The following POU2F2 variants were observed in gnomAD, a reference collection of about 807,000 sequenced individuals.
POU2F2 encodes POU class 2 homeobox 2, also known as POU domain, class 2, transcription factor 2.
POU2F2 carries 14 observed loss-of-function variants against 63.5 expected under a neutral mutation model. The observed-to-expected ratio is 0.22, with a 90% CI of 0.15 to 0.34. The LOEUF (loss-of-function observed/expected upper bound fraction) is 0.34. Ranked by LOEUF, POU2F2 falls within the 10% of genes least tolerant of loss-of-function variation. The probability of loss-of-function intolerance (pLI) is 1.00; values close to 1 mark genes in which losing one functional copy is unlikely to be tolerated. For synonymous variants in POU2F2, 306 were observed against 348.6 expected (o/e 0.88, Z 1.36); for missense variants, 607 against 815.2 (o/e 0.74, Z 3.11).
chr19:42,104,999 T>A (rs2077282807), intron 5 of POU2F2, among the ~76,000 whole-genome samples: 1 of 152,096 alleles, frequency 6.6e-6, no homozygotes, highest in Non-Finnish European at 1.5e-5. Context: ...TAGCACTCTA[T>A]CCTGTGAAAC....
intron 1 of POU2F2, among the ~76,000 whole-genome samples, chr19:42,168,581 C>A (rs2034697312): frequency 6.6e-6 from 1 of 152,212 alleles, no homozygotes. Flanking sequence ...GGGCTCCCCA[C>A]TCAGCACTGC....
chr19:42,186,951 G>A (rs1436403094), intron 1 of POU2F2, among the ~76,000 whole-genome samples: 2 of 152,124 alleles, frequency 1.3e-5, no homozygotes, highest in African/African-American at 4.8e-5. Context: ...TATGAGACAT[G>A]TCCTGGATCC....
intron 1 of POU2F2, among the ~76,000 whole-genome samples, chr19:42,173,586 G>T (rs1444277374): frequency 6.6e-6 from 1 of 150,976 alleles, no homozygotes; most frequent in Admixed American, 6.6e-5. Flanking sequence ...CACCTGGCCA[G>T]CATGCTGTCT....
chr19:42,099,473 T>A, intron 7 of POU2F2, 54 bp downstream of exon 7: 1 of 1,489,098 alleles, frequency 6.7e-7, no homozygotes, highest in Non-Finnish European at 9.4e-7. Flanking sequence ...TTTACCCAGC[T>A]TTCAGCAGGC....
chr19:42,128,826 C>G (rs896516769), intron 1 of POU2F2, among the ~76,000 whole-genome samples: 4 of 152,102 alleles, frequency 2.6e-5, no homozygotes, highest in African/African-American at 9.6e-5. Context: ...AAAAGCCCCT[C>G]CAGGTGATTC....
chr19:42,125,975 C>T (rs371901090), intron 1 of POU2F2, among the ~76,000 whole-genome samples: 2 of 152,222 alleles, frequency 1.3e-5, no homozygotes, highest in East Asian at 1.9e-4. Context: ...AGAAAGTCCA[C>T]ACTCATCCTT....
intron 1 of POU2F2, among the ~76,000 whole-genome samples, chr19:42,166,709 G>A (rs888387666): frequency 2.0e-5 from 3 of 152,086 alleles, no homozygotes; most frequent in Non-Finnish European, 4.4e-5. Context: ...AGGGAGATGA[G>A]GGTGCAGGAT....
chr19:42,151,610 T>C (rs1051351098), intron 2 of POU2F2, among the ~76,000 whole-genome samples: 1 of 151,364 alleles, frequency 6.6e-6, no homozygotes, highest in Non-Finnish European at 1.5e-5. Flanking sequence ...TTGGGCAAGG[T>C]CGGATGGGGG....
chr19:42,172,849 G>T (rs1018462916), intron 1 of POU2F2, among the ~76,000 whole-genome samples: 4 of 152,202 alleles, frequency 2.6e-5, no homozygotes, highest in African/African-American at 9.6e-5. Context: ...GGACATCTCA[G>T]GGGGCAGGGA....
chr19:42,147,642 C>T (rs1258058108), intron 2 of POU2F2, among the ~76,000 whole-genome samples: 3 of 152,192 alleles, frequency 2.0e-5, no homozygotes, highest in Admixed American at 6.5e-5. Flanking sequence ...GGACAAGCAC[C>T]TGAGGCAGAG....
At position 42,088,864 on chromosome 19, in the gene POU2F2, C is replaced by G. The variant is rs1010436346; in HGVS notation, c.*2393G>C. 6.6e-6 allele frequency: 1 copy of G among 152,596 alleles called. No individual in the cohort carries two copies. The highest frequency in any genetic ancestry group is 1.5e-5 in the Non-Finnish European group (1 of 68,044). The allele number at this position is 152,596 out of a possible 1,614,324, so 9.5% of individuals were successfully genotyped here. ...GAGGGGCGGCTACTTCACCACTGCC[C>G]GGACAAGGCACCCAGAGGCCCCTGC... is the stretch of plus-strand genomic sequence containing the variant. On this transcript the variant is annotated 3_prime_UTR_variant, in exon 15 of 15. Coordinates refer to ENST00000692977, the MANE Select transcript of POU2F2 (RefSeq NM_001394376.1).
intron 2 of POU2F2, among the ~76,000 whole-genome samples, chr19:42,138,626 G>T (rs1373123380): frequency 5.3e-5 from 8 of 152,130 alleles, no homozygotes; most frequent in Non-Finnish European, 4.4e-5. Flanking sequence ...GACCAATGGG[G>T]AGGCTGGGAC....
chr19:42,166,181 C>A (rs935588011), intron 1 of POU2F2, among the ~76,000 whole-genome samples: 1 of 152,236 alleles, frequency 6.6e-6, no homozygotes, highest in African/African-American at 2.4e-5. Flanking sequence ...CTCCCCATCA[C>A]CTGACTGGTG....
rs2034061402 is a variant in POU2F2 at position 42,138,404 on chromosome 19, G to A, written c.-8-15828C>T. Among the ~76,000 whole-genome samples, 4 of 152,098 alleles carry A rather than the reference G, an allele frequency of 2.6e-5. No homozygotes were observed. The South Asian group carries it at 8.3e-4, about 32-fold the overall frequency. The stretch of plus-strand genomic sequence containing the variant: ...GTCCTGAAGGATGAAAGGAAGGGCA[G>A]GAGGTGGGAAACAGCATTCAAGGGG... On this transcript the variant is annotated intron_variant, in intron 2 of 6. Transcript: ENST00000524801.
chr19:42,110,294 TAAATA>T (rs2030866408), intron 5 of POU2F2, among the ~76,000 whole-genome samples: 1 of 152,022 alleles, frequency 6.6e-6, no homozygotes, highest in African/African-American at 2.4e-5. Flanking sequence ...AATAACTACA[TAAATA>T]AAATAAAACT....
At chr19:42,189,785 A>G (rs2035056336) in intron 1 of POU2F2, among the ~76,000 whole-genome samples, 1 of 152,096 alleles carries the variant, frequency 6.6e-6, no homozygotes, top group South Asian at 2.1e-4. Flanking sequence ...GCTGGAGTGC[A>G]GTGGTGGGAT....
intron 1 of POU2F2, among the ~76,000 whole-genome samples, chr19:42,163,694 C>T (rs895768517): frequency 6.6e-6 from 1 of 152,150 alleles, no homozygotes; most frequent in African/African-American, 2.4e-5. Context: ...TCTGACTGTG[C>T]CTTAGCTTTT....
At chr19:42,132,286 T>G in intron 1 of POU2F2, 98 bp downstream of exon 1, 9 of 1,382,266 alleles carry the variant, frequency 6.5e-6, no homozygotes, top group Admixed American at 2.2e-5. Flanking sequence ...AGAAGGACAA[T>G]GGAGACAGCT....
rs570069515 is a variant in POU2F2, at chr19:42,098,748, A to G, written c.567+779T>C. Among the ~76,000 whole-genome samples the G allele has an allele frequency of 4.5e-4, 68 of 152,374 alleles. No individual in the cohort carries two copies. The Middle Eastern group carries it at 0.01, about 23-fold the overall frequency. On this transcript the variant is annotated intron_variant, in intron 7 of 14. Coordinates refer to ENST00000692977, the MANE Select transcript of POU2F2 (RefSeq NM_001394376.1). ...TCAGTCCTTCTGAAATAGTTCACAT[A>G]TATTTTTTTAAAGGGCTATAAAAAA...
Sources: allele counts gnomAD v4.1 joint callset (sites outside exome capture counted in the v4.1 genomes callset), GRCh38; gene constraint gnomAD v4.1.1; transcripts MANE v1.5; gene names NCBI Gene and HGNC (gene_info 2026-07-23, HGNC 2026-07-21).